Variants in STIM1 observed in about 807,000 individuals in gnomAD.
STIM1 encodes stromal interaction molecule 1.
In STIM1, 25 loss-of-function variants were observed where a neutral mutation model predicts 74.7. The ratio of observed to expected loss-of-function variants is 0.33; its 90% CI spans 0.24 to 0.47. The LOEUF (loss-of-function observed/expected upper bound fraction) is 0.47. Among genes scored for constraint, STIM1 ranks in the 20% least tolerant of loss-of-function variants. The pLI, the probability that STIM1 is intolerant of heterozygous loss-of-function variation, is 1.00. For synonymous variants in STIM1, 328 were observed against 348.8 expected (o/e 0.94, Z 0.66); for missense variants, 728 against 920.8 (o/e 0.79, Z 2.71).
In STIM1 at chr11:4,074,574, T is replaced by C. The variant is rs933423620; in HGVS notation, c.864T>C (p.Asp288=). 6.2e-7 allele frequency: 1 copy of C among 1,613,862 alleles called. No homozygotes were observed. Among genetic ancestry groups the C allele is most frequent in the Admixed American group, 1.7e-5 (1 of 59,994 alleles). ...EKVHLEKKLR[D]EINLAKQEAQ... ...TCCATCTGGAAAAGAAGCTGCGCGA[T>C]GAGATCAACCTTGCTAAGCAGGAAG... Residue 288 remains aspartate (D), a synonymous_variant, in exon 7 of 13, where the codon GAT becomes GAC. Transcript: ENST00000526596.
chr11:4,040,644 G>A (rs1386883502), intron 3 of STIM1, among the ~76,000 whole-genome samples: 1 of 152,186 alleles, frequency 6.6e-6, no homozygotes, highest in African/African-American at 2.4e-5. Context: ...CACAGGGCCT[G>A]GCCCAGAGTA....
At chr11:3,963,108 T>A (rs2093304786) in intron 1 of STIM1, among the ~76,000 whole-genome samples, 1 of 152,200 alleles carries the variant, frequency 6.6e-6, no homozygotes, top group Non-Finnish European at 1.5e-5. Context: ...TATTTTGAGT[T>A]TAGGGATACA....
chr11:3,965,357 G>C (rs1334201481), intron 1 of STIM1, among the ~76,000 whole-genome samples: 3 of 152,114 alleles, frequency 2.0e-5, no homozygotes, highest in African/African-American at 7.2e-5. Context: ...TGTTTTAATT[G>C]CTTGTCTCTC....
intron 1 of STIM1, among the ~76,000 whole-genome samples, chr11:3,877,167 AG>A (rs556281752): frequency 7.9e-4 from 121 of 152,248 alleles, no homozygotes; most frequent in African/African-American, 2.7e-3. Context: ...CAGGGGAAAA[AG>A]CAGTTAGAGC....
At chr11:3,872,708 A>G (rs1455430461) in intron 1 of STIM1, among the ~76,000 whole-genome samples, 1 of 151,548 alleles carries the variant, frequency 6.6e-6, no homozygotes, top group Non-Finnish European at 1.5e-5. Context: ...TTTTTAGTAG[A>G]GACAGTGTTT....
At chr11:4,002,375 A>G (rs1330539209) in intron 2 of STIM1, among the ~76,000 whole-genome samples, 1 of 152,244 alleles carries the variant, frequency 6.6e-6, no homozygotes, top group Non-Finnish European at 1.5e-5. Context: ...ATCAGACATT[A>G]TAACAAACTG....
chr11:3,858,716 AAAACT>A (rs1351673034), intron 1 of STIM1, among the ~76,000 whole-genome samples: 3 of 152,250 alleles, frequency 2.0e-5, no homozygotes, highest in Admixed American at 6.5e-5. Flanking sequence ...ACTTGCTCTT[AAAACT>A]ACTACTTTTA....
At chr11:4,020,071 C>T (rs1183450453) in intron 2 of STIM1, among the ~76,000 whole-genome samples, 1 of 152,172 alleles carries the variant, frequency 6.6e-6, no homozygotes, top group Non-Finnish European at 1.5e-5. Context: ...TGGCTTATTT[C>T]ACTTAGCATA....
rs527354034 is a variant in STIM1 at position 3,986,497 on chromosome 11, A to G, written c.270+18815A>G. Among the ~76,000 whole-genome samples, 111 of 152,306 alleles carry G rather than the reference A, an allele frequency of 7.3e-4. 1 individual carries two copies. Among genetic ancestry groups the G allele is most frequent in the African/African-American group, 2.6e-3 (109 of 41,564 alleles). Reference sequence around the variant, plus strand: ...CCAGATTTGTGTGCCATACTGAGGAACTTGGATTTCATCCTAAAGTTGAAA... The same window carrying G: ...CCAGATTTGTGTGCCATACTGAGGAGCTTGGATTTCATCCTAAAGTTGAAA... On this transcript the variant is annotated intron_variant, in intron 2 of 12. Transcript: ENST00000526596.
chr11:4,009,839 A>G (rs2093818701), intron 2 of STIM1, among the ~76,000 whole-genome samples: 1 of 151,954 alleles, frequency 6.6e-6, no homozygotes, highest in Non-Finnish European at 1.5e-5. Flanking sequence ...TTGAGACAGG[A>G]TCTTGCTCTA....
At chr11:3,929,872 C>T (rs1027088778) in intron 1 of STIM1, among the ~76,000 whole-genome samples, 5 of 152,168 alleles carry the variant, frequency 3.3e-5, no homozygotes, top group African/African-American at 4.8e-5. Context: ...TCTCTGGACA[C>T]GTGACTGGTC....
intron 1 of STIM1, among the ~76,000 whole-genome samples, chr11:3,954,753 A>G (rs553157580): frequency 6.6e-6 from 1 of 152,350 alleles, no homozygotes; most frequent in South Asian, 2.1e-4. Flanking sequence ...GTCACCACGT[A>G]AAAGGGAGTA....
chr11:3,866,668 G>A (rs1018851558), intron 1 of STIM1, among the ~76,000 whole-genome samples: 4 of 151,962 alleles, frequency 2.6e-5, no homozygotes, highest in African/African-American at 4.8e-5. Context: ...CTTGCGATCC[G>A]CCTGCCTCGG....
At chr11:4,023,774 G>A in intron 2 of STIM1, 99 bp from the exon 3 acceptor site, 1 of 806,174 alleles carries the variant, frequency 1.2e-6, no homozygotes, top group Non-Finnish European at 2.1e-6. Flanking sequence ...TGGGTAGATG[G>A]AATGTGTTAT....
intron 1 of STIM1, among the ~76,000 whole-genome samples, chr11:3,936,637 G>T (rs2092934743): frequency 6.6e-6 from 1 of 152,196 alleles, no homozygotes; most frequent in Admixed American, 6.5e-5. Flanking sequence ...GAGAAGAGAT[G>T]ATAGTCTCAT....
chr11:3,913,808 G>A (rs958243737), intron 1 of STIM1, among the ~76,000 whole-genome samples: 5 of 152,108 alleles, frequency 3.3e-5, no homozygotes, highest in Middle Eastern at 3.4e-3. Flanking sequence ...TTCCGCTCCC[G>A]CTGGCAGCCA....
intron 1 of STIM1, among the ~76,000 whole-genome samples, chr11:3,946,849 C>T (rs547633129): frequency 1.1e-4 from 16 of 152,314 alleles, no homozygotes; most frequent in African/African-American, 3.8e-4. Context: ...AGTGCTGGCT[C>T]TGCCACTGTG....
At chr11:3,965,100 A>G (rs2093327315) in intron 1 of STIM1, among the ~76,000 whole-genome samples, 1 of 152,166 alleles carries the variant, frequency 6.6e-6, no homozygotes, top group Non-Finnish European at 1.5e-5. Context: ...AGGGTTCAAC[A>G]AACTATGGCC....
intron 1 of STIM1, among the ~76,000 whole-genome samples, chr11:3,873,065 C>T (rs1005752141): frequency 6.6e-6 from 1 of 151,870 alleles, no homozygotes; most frequent in African/African-American, 2.4e-5. Flanking sequence ...CCTCCTACCT[C>T]AGCCTTCCAA....
Sources: allele counts gnomAD v4.1 joint callset (sites outside exome capture counted in the v4.1 genomes callset), GRCh38; gene constraint gnomAD v4.1.1; transcripts MANE v1.5; gene names NCBI Gene and HGNC (gene_info 2026-07-23, HGNC 2026-07-21).